VPS41: variants seen among roughly 807,000 people sequenced by gnomAD.
VPS41 encodes vacuolar protein sorting-associated protein 41 homolog.
Under a neutral mutation model 130.9 loss-of-function variants are expected in VPS41, and 85 were observed. The ratio of observed to expected loss-of-function variants is 0.65; its 90% confidence interval spans 0.55 to 0.78. The LOEUF is 0.78. Ranked by LOEUF, VPS41 falls within the 30% of genes least tolerant of loss-of-function variation. VPS41 has a pLI of 0.00. For missense variants in VPS41, 874 were observed against 1,018.7 expected (o/e 0.86, Z 1.93); for synonymous variants, 335 against 332.9 (o/e 1.01, Z -0.07).
intron 12 of VPS41, 41 bp downstream of exon 12, chr7:38,774,074 C>G (rs775997030): frequency 6.6e-7 from 1 of 1,515,568 alleles, no homozygotes; most frequent in Non-Finnish European, 8.9e-7. Flanking sequence ...GAGAAAAAAA[C>G]ATTAAAAAAG....
intron 25 of VPS41, among the ~76,000 whole-genome samples, chr7:38,741,606 T>C (rs566220833): frequency 6.6e-6 from 1 of 152,330 alleles, no homozygotes; most frequent in South Asian, 2.1e-4. Context: ...CTCAAACGGA[T>C]ACAATACTTA....
At chr7:38,873,884 A>C (rs912134626) in intron 2 of VPS41, among the ~76,000 whole-genome samples, 2 of 152,206 alleles carry the variant, frequency 1.3e-5, no homozygotes, top group Admixed American at 6.5e-5. Flanking sequence ...ATTACTTTTA[A>C]GGATAACAAA....
intron 4 of VPS41, among the ~76,000 whole-genome samples, chr7:38,834,706 A>G (rs947109866): frequency 2.6e-5 from 4 of 152,280 alleles, no homozygotes; most frequent in African/African-American, 7.2e-5. Context: ...AAGAAGATCA[A>G]AAAGAACTGG....
rs146769995 is a variant in VPS41 at position 38,726,318 on chromosome 7, A to C, written c.2493T>G (p.Ala831=). The change falls in exon 29 of 29, where the codon GCT becomes GCG. Residue 831 remains alanine, a synonymous_variant. Transcript: ENST00000310301. The part of the protein sequence containing the change: ...ECLPMPSMNS[A]AQFCNICSAK... ...CACTGCAGATGTTGCAGAACTGTGCAGCAGAGTTCTAAAAATGCAATTTAA... is the reference window on the plus strand; with the variant it reads ...CACTGCAGATGTTGCAGAACTGTGCCGCAGAGTTCTAAAAATGCAATTTAA... 1 of 1,612,244 alleles carries C rather than the reference A, an allele frequency of 6.2e-7. No individual in the cohort carries two copies. The highest frequency in any genetic ancestry group is 2.2e-5 in the East Asian group (1 of 44,872).
chr7:38,835,273 T>A (rs1379175678), intron 4 of VPS41, among the ~76,000 whole-genome samples: 1 of 151,958 alleles, frequency 6.6e-6, no homozygotes, highest in African/African-American at 2.4e-5. Flanking sequence ...ATTCCTTAAT[T>A]TTTTCCCTTT....
chr7:38,875,220 A>G (rs1027874536), intron 2 of VPS41, among the ~76,000 whole-genome samples: 6 of 152,202 alleles, frequency 3.9e-5, no homozygotes, highest in Non-Finnish European at 7.3e-5. Flanking sequence ...CAGGAGCTAC[A>G]TATTATTGGA....
chr7:38,779,061 GA>G (rs1269877101), intron 10 of VPS41, among the ~76,000 whole-genome samples: 1 of 152,066 alleles, frequency 6.6e-6, no homozygotes, highest in Non-Finnish European at 1.5e-5. Context: ...ACAAAACAAA[GA>G]AAAATTGCAG....
intron 10 of VPS41, among the ~76,000 whole-genome samples, chr7:38,783,971 T>C (rs866133848): frequency 2.0e-5 from 3 of 152,338 alleles, no homozygotes; most frequent in South Asian, 4.1e-4. Context: ...TAAAACATTA[T>C]CAATCTCCTC....
At chr7:38,805,504 G>T (rs1010461269) in intron 7 of VPS41, among the ~76,000 whole-genome samples, 5 of 151,610 alleles carry the variant, frequency 3.3e-5, no homozygotes, top group African/African-American at 1.2e-4. Context: ...CTGCACTCCA[G>T]CCTGGCAACA....
In VPS41 at chr7:38,763,677, T is replaced by A; in HGVS notation, c.1330-130A>T. 7.5e-6 allele frequency: 4 copies of A among 533,832 alleles called. No homozygotes were observed. The South Asian group carries it at 1.1e-4, about 14-fold the overall frequency. The allele number at this position is 533,832 out of a possible 1,614,324, so 33.1% of individuals were successfully genotyped here. On this transcript the variant is annotated intron_variant, in intron 16 of 28. Transcript: ENST00000310301. ...AGGGAATACAGTACTCTGAAAAAAA[T>A]GTTTTGAACAGGATTTAAATGAAAA...
At chr7:38,852,162 G>A (rs1243506340) in intron 4 of VPS41, among the ~76,000 whole-genome samples, 1 of 152,130 alleles carries the variant, frequency 6.6e-6, no homozygotes, top group Non-Finnish European at 1.5e-5. Flanking sequence ...TGCAACCACA[G>A]GGGGAATCTA....
At chr7:38,769,812 C>A (rs1784119318) in intron 14 of VPS41, among the ~76,000 whole-genome samples, 1 of 152,200 alleles carries the variant, frequency 6.6e-6, no homozygotes, top group East Asian at 1.9e-4. Context: ...TGATTGATCT[C>A]CATCTCAGCT....
chr7:38,909,094 C>G, intron 1 of VPS41, 60 bp downstream of exon 1: 1 of 1,609,414 alleles, frequency 6.2e-7, no homozygotes, highest in South Asian at 1.1e-5. Context: ...CCACCCTCCC[C>G]AAACAGCCCA....
intron 22 of VPS41, among the ~76,000 whole-genome samples, chr7:38,746,942 C>T (rs936457054): frequency 2.0e-5 from 3 of 152,180 alleles, no homozygotes; most frequent in Non-Finnish European, 4.4e-5. Context: ...CGGTCTCTGA[C>T]CCCGCGGCAT....
chr7:38,845,448 TC>T (rs1193403387), intron 4 of VPS41, among the ~76,000 whole-genome samples: 3 of 152,182 alleles, frequency 2.0e-5, no homozygotes, highest in African/African-American at 7.2e-5. Context: ...CCTGCAGTTG[TC>T]CCGTAGGGTG....
intron 2 of VPS41, among the ~76,000 whole-genome samples, chr7:38,883,406 G>A (rs142407698): frequency 0.01 from 1,551 of 152,174 alleles, 6 homozygotes; most frequent in Non-Finnish European, 0.014. Flanking sequence ...TGGGCACAGT[G>A]TTTGCTCTTC....
chr7:38,724,978 GCTTT>G lies in VPS41; in HGVS notation c.*1264_*1267del, dbSNP rs1165741429. ...GACCTCAACAACATCTCTACATTTT[GCTTT>G]CTTTATCTGTAAACCTAGGTTTATC... is the stretch of plus-strand genomic sequence containing the variant. On this transcript the variant is annotated 3_prime_UTR_variant, in exon 29 of 29. Transcript: ENST00000310301. 2 of 152,268 alleles carry G rather than the reference GCTTT, an allele frequency of 1.3e-5. No homozygotes were observed. The highest frequency in any genetic ancestry group is 3.9e-4 in the East Asian group (2 of 5,178). The allele number at this position is 152,268 out of a possible 1,614,324, so 9.4% of individuals were successfully genotyped here.
chr7:38,765,363 A>C (rs1246093681), intron 16 of VPS41, among the ~76,000 whole-genome samples: 2 of 151,922 alleles, frequency 1.3e-5, no homozygotes, highest in Admixed American at 6.6e-5. Context: ...GAAAGAGATA[A>C]GTGAACACAT....
At chr7:38,780,239 C>A (rs114070932) in intron 10 of VPS41, among the ~76,000 whole-genome samples, 3,296 of 146,054 alleles carry the variant, frequency 0.023, 51 homozygotes, top group African/African-American at 0.047. Flanking sequence ...AAGGTAGCCA[C>A]AAAAGACAGT....
Sources: allele counts gnomAD v4.1 joint callset (sites outside exome capture counted in the v4.1 genomes callset), GRCh38; gene constraint gnomAD v4.1.1; transcripts MANE v1.5; gene names NCBI Gene and HGNC (gene_info 2026-07-23, HGNC 2026-07-21).